The following RUNX1T1 variants were observed in gnomAD, a reference collection of about 807,000 sequenced individuals.
RUNX1T1 encodes the protein protein CBFA2T1.
In RUNX1T1, 4 loss-of-function variants were observed where a neutral mutation model predicts 62.8. The ratio of observed to expected loss-of-function variants is 0.06; its 90% CI spans 0.03 to 0.15. RUNX1T1 has a LOEUF of 0.15. RUNX1T1 is among the 10% of genes least tolerant of loss of function. RUNX1T1 has a pLI of 1.00. For missense variants in RUNX1T1, 508 were observed against 754.3 expected (o/e 0.67, Z 3.82); for synonymous variants, 291 against 286.0 (o/e 1.02, Z -0.18).
At chr8:92,034,811 C>CATATATAT (rs1563811218) in intron 1 of RUNX1T1, among the ~76,000 whole-genome samples, 1,591 of 148,916 alleles carry the variant, frequency 0.011, 73 homozygotes, top group African/African-American at 0.038. Flanking sequence ...CACACACACA[C>CATATATAT]ACACACACAC....
chr8:91,998,209 A>G (rs1216200204), intron 5 of RUNX1T1, among the ~76,000 whole-genome samples: 1 of 152,222 alleles, frequency 6.6e-6, no homozygotes, highest in African/African-American at 2.4e-5. Context: ...CACGTAACAC[A>G]CTTTTATTGG....
chr8:92,086,754 C>A (rs1836179569), intron 1 of RUNX1T1, among the ~76,000 whole-genome samples: 1 of 152,194 alleles, frequency 6.6e-6, no homozygotes. Flanking sequence ...GTATTAATAA[C>A]TTCCCCCTCT....
chr8:92,082,710 T>C (rs982736153), intron 1 of RUNX1T1, among the ~76,000 whole-genome samples: 1 of 152,172 alleles, frequency 6.6e-6, no homozygotes, highest in Middle Eastern at 3.2e-3. Flanking sequence ...TACCTCACTG[T>C]TCAGTACCAT....
At chr8:92,090,535 C>A (rs1836827837) in intron 1 of RUNX1T1, among the ~76,000 whole-genome samples, 1 of 152,066 alleles carries the variant, frequency 6.6e-6, no homozygotes, top group Non-Finnish European at 1.5e-5. Context: ...AATAGAGAAG[C>A]CTGGATCAGG....
intron 1 of RUNX1T1, among the ~76,000 whole-genome samples, chr8:92,037,105 CA>C (rs1174346864): frequency 1.3e-5 from 2 of 152,172 alleles, no homozygotes. Flanking sequence ...TGATGATTTT[CA>C]ACTGGGTTGG....
chr8:92,054,453 T>TTA (rs1427147936), intron 1 of RUNX1T1, among the ~76,000 whole-genome samples: 1 of 152,198 alleles, frequency 6.6e-6, no homozygotes. Flanking sequence ...AGAGGTTTAA[T>TTA]AACCTCTTTA....
chr8:92,005,042 G>A, intron 5 of RUNX1T1, 74 bp downstream of exon 6: 1 of 1,304,274 alleles, frequency 7.7e-7, no homozygotes, highest in Admixed American at 2.4e-5. Context: ...GTTTAATTGT[G>A]ACATGAAATG....
intron 1 of RUNX1T1, among the ~76,000 whole-genome samples, chr8:92,091,059 G>A (rs1836921207): frequency 6.6e-6 from 1 of 152,156 alleles, no homozygotes; most frequent in African/African-American, 2.4e-5. Flanking sequence ...TGCCCCAGGT[G>A]TTAAAAGATT....
chr8:92,037,067 C>CA (rs1217289984), intron 1 of RUNX1T1, among the ~76,000 whole-genome samples: 1 of 152,202 alleles, frequency 6.6e-6, no homozygotes, highest in East Asian at 1.9e-4. Flanking sequence ...TACATACCTA[C>CA]ACCCTCATCG....
chr8:91,989,582 A>G (rs1202376131), intron 6 of RUNX1T1, among the ~76,000 whole-genome samples: 4 of 152,246 alleles, frequency 2.6e-5, no homozygotes, highest in Admixed American at 1.3e-4. Context: ...ATTACTGTAT[A>G]GTGCACTGGA....
chr8:92,088,845 G>A (rs1001234549), intron 1 of RUNX1T1, among the ~76,000 whole-genome samples: 1 of 152,014 alleles, frequency 6.6e-6, no homozygotes, highest in African/African-American at 2.4e-5. Context: ...TACCATTACT[G>A]CTGCTAATAT....
intron 5 of RUNX1T1, among the ~76,000 whole-genome samples, chr8:91,992,170 C>T (rs1312822426): frequency 6.6e-6 from 1 of 152,138 alleles, no homozygotes; most frequent in African/African-American, 2.4e-5. Context: ...CAAGAGGAAA[C>T]TCAAGACTCC....
At chr8:92,005,573 TC>T (rs1180131205) in intron 4 of RUNX1T1, 2 of 402,176 alleles carry the variant, frequency 5.0e-6, no homozygotes, top group Non-Finnish European at 8.8e-6. Context: ...ATTTTTAGGG[TC>T]CCTTTATACT....
At chr8:92,079,152 A>T (rs1834863379) in intron 1 of RUNX1T1, among the ~76,000 whole-genome samples, 1 of 152,206 alleles carries the variant, frequency 6.6e-6, no homozygotes, top group South Asian at 2.1e-4. Flanking sequence ...TGGTTATTCC[A>T]AAAATGAGCA....
At chr8:91,991,386 A>C (rs2130877860) in intron 6 of RUNX1T1, among the ~76,000 whole-genome samples, 1 of 152,338 alleles carries the variant, frequency 6.6e-6, no homozygotes, top group South Asian at 2.1e-4. Context: ...TCTTGTATTA[A>C]TCTAGATGCC....
At chr8:92,034,803 C>CAT (rs1563811111) in intron 1 of RUNX1T1, among the ~76,000 whole-genome samples, 1 of 98,960 alleles carries the variant, frequency 1.0e-5, no homozygotes, top group South Asian at 2.9e-4. Context: ...TATATACACA[C>CAT]ACACACACAC....
exon 1 of RUNX1T1, chr8:92,062,942 T>C (rs893330202): frequency 1.6e-6 from 2 of 1,267,074 alleles, no homozygotes; most frequent in African/African-American, 3.0e-5. Flanking sequence ...AATGATAAGC[T>C]AAATGCCGAA....
chr8:91,967,384 C>T (rs922401069), intron 10 of RUNX1T1, among the ~76,000 whole-genome samples: 9 of 151,948 alleles, frequency 5.9e-5, no homozygotes, highest in African/African-American at 1.5e-4. Flanking sequence ...CCCCCTCCCC[C>T]GCCCACCTAC....
intron 1 of RUNX1T1, among the ~76,000 whole-genome samples, chr8:92,059,854 G>T (rs1831623607): frequency 6.6e-6 from 1 of 151,970 alleles, no homozygotes. Context: ...TTAAAAAAAA[G>T]TTCCAGGCAC....
Sources: allele counts gnomAD v4.1 joint callset (sites outside exome capture counted in the v4.1 genomes callset), GRCh38; gene constraint gnomAD v4.1.1; transcripts MANE v1.5; gene names NCBI Gene and HGNC (gene_info 2026-07-23, HGNC 2026-07-21).